SPIDR: variants seen among roughly 807,000 people sequenced by gnomAD.
The protein encoded by SPIDR is DNA repair-scaffolding protein.
A neutral mutation model predicts 104.6 loss-of-function variants in SPIDR; 93 were observed. The ratio of observed to expected loss-of-function variants is 0.89; its 90% CI spans 0.75 to 1.06. The LOEUF is 1.06. Ranked by LOEUF, SPIDR falls within the 50% of genes least tolerant of loss-of-function variation. The pLI is 0.00. For synonymous variants in SPIDR, 431 were observed against 416.9 expected (o/e 1.03, Z -0.41); for missense variants, 1,154 against 1,111.2 (o/e 1.04, Z -0.55).
intron 8 of SPIDR, among the ~76,000 whole-genome samples, chr8:47,507,082 C>T (rs1457398772): frequency 6.6e-6 from 1 of 152,188 alleles, no homozygotes; most frequent in African/African-American, 2.4e-5. Context: ...CTCCAGTAAG[C>T]ATTCAGATGG....
intron 8 of SPIDR, among the ~76,000 whole-genome samples, chr8:47,566,845 T>C (rs2154403823): frequency 1.3e-5 from 2 of 152,302 alleles, no homozygotes; most frequent in South Asian, 2.1e-4. Context: ...TTAAAATCTT[T>C]GGACTTTATT....
intron 10 of SPIDR, among the ~76,000 whole-genome samples, chr8:47,616,232 A>G (rs1026163759): frequency 1.3e-5 from 2 of 152,320 alleles, no homozygotes; most frequent in African/African-American, 4.8e-5. Flanking sequence ...AGCAGGAATC[A>G]TTGTTTTGTT....
At chr8:47,269,024 G>T (rs965320704) in intron 1 of SPIDR, among the ~76,000 whole-genome samples, 79 of 151,978 alleles carry the variant, frequency 5.2e-4, no homozygotes, top group Non-Finnish European at 1.1e-3. Context: ...AAAATTAGCA[G>T]GATGTGGTGG....
intron 10 of SPIDR, among the ~76,000 whole-genome samples, chr8:47,652,460 G>A (rs2071835263): frequency 6.6e-6 from 1 of 152,156 alleles, no homozygotes; most frequent in African/African-American, 2.4e-5. Context: ...CTCCAAGGTG[G>A]GCGGGCTGGA....
intron 3 of SPIDR, among the ~76,000 whole-genome samples, chr8:47,290,727 A>T (rs1239559609): frequency 6.6e-6 from 1 of 152,188 alleles, no homozygotes; most frequent in East Asian, 1.9e-4. Flanking sequence ...AGAAAGTTAT[A>T]CTTTTATAAA....
chr8:47,279,990 A>C lies in SPIDR; in HGVS notation c.162A>C (p.Glu54Asp). Reference protein sequence around the residue: ...SLSEAWLRCGEGFQNTSGNPS... With the variant: ...SLSEAWLRCGDGFQNTSGNPS... ...CTGAAGCATGGCTCAGGTGTGGAGAAGGGTTTCAGAACACTTCTGGGAATC... is the reference window on the plus strand; with the variant it reads ...CTGAAGCATGGCTCAGGTGTGGAGACGGGTTTCAGAACACTTCTGGGAATC... The change falls in exon 2 of 20, where the codon GAA (glutamate) becomes GAC (aspartate). Residue 54 changes from glutamate to aspartate, a missense_variant. By Grantham distance (45) the Glu-to-Asp change is conservative. Transcript: ENST00000297423. The C allele has an allele frequency of 1.2e-6, 2 of 1,614,128 alleles. No individual in the cohort carries two copies. Among genetic ancestry groups the C allele is most frequent in the Non-Finnish European group, 1.7e-6 (2 of 1,180,012 alleles).
In SPIDR at chr8:47,519,620, T is replaced by TA. The variant is rs200888792; in HGVS notation, c.1098-76182dup. The stretch of plus-strand genomic sequence containing the variant: ...CAATATGGCGAGACCCTGTCTGTAG[T>TA]AAAAAAAAATTTAAATTAGCCAGGC... On this transcript the variant is annotated intron_variant, in intron 8 of 19. Coordinates refer to ENST00000297423, the MANE Select transcript of SPIDR (RefSeq NM_001080394.4). 3.9e-4 allele frequency among the ~76,000 whole-genome samples: 59 copies of TA among 151,692 alleles called. No homozygotes were observed. The East Asian group carries it at 6.4e-3, about 16-fold the overall frequency.
intron 5 of SPIDR, among the ~76,000 whole-genome samples, chr8:47,338,213 G>A (rs2050120034): frequency 6.6e-6 from 1 of 152,110 alleles, no homozygotes; most frequent in African/African-American, 2.4e-5. Flanking sequence ...TTACATTCTT[G>A]TAATGATCTA....
At chr8:47,650,638 G>A (rs1266564171) in intron 10 of SPIDR, among the ~76,000 whole-genome samples, 2 of 152,136 alleles carry the variant, frequency 1.3e-5, no homozygotes, top group Non-Finnish European at 2.9e-5. Flanking sequence ...AAAAGAGCCT[G>A]AATAGCCAAA....
chr8:47,650,639 A>T (rs1206533221), intron 10 of SPIDR, among the ~76,000 whole-genome samples: 2 of 152,206 alleles, frequency 1.3e-5, no homozygotes, highest in Admixed American at 6.5e-5. Context: ...AAAGAGCCTG[A>T]ATAGCCAAAG....
chr8:47,323,789 C>T (rs1208128518), intron 5 of SPIDR, among the ~76,000 whole-genome samples: 2 of 152,094 alleles, frequency 1.3e-5, no homozygotes, highest in African/African-American at 4.8e-5. Context: ...TAGAATTAGT[C>T]TTCTACTTCT....
At chr8:47,605,285 G>A (rs1335741940) in intron 10 of SPIDR, among the ~76,000 whole-genome samples, 1 of 152,170 alleles carries the variant, frequency 6.6e-6, no homozygotes, top group Non-Finnish European at 1.5e-5. Flanking sequence ...GTCTAATAAA[G>A]TGAGCACTGA....
intron 5 of SPIDR, among the ~76,000 whole-genome samples, chr8:47,323,251 A>G (rs1434345527): frequency 1.3e-5 from 2 of 152,166 alleles, no homozygotes; most frequent in African/African-American, 2.4e-5. Context: ...CGAAATTTGC[A>G]TAATATTCTG....
chr8:47,539,395 A>G (rs1298182396), intron 8 of SPIDR, among the ~76,000 whole-genome samples: 1 of 152,222 alleles, frequency 6.6e-6, no homozygotes, highest in African/African-American at 2.4e-5. Flanking sequence ...TCCCTTAGCC[A>G]GACAAGGACC....
chr8:47,292,870 T>A (rs1459656668), intron 4 of SPIDR, among the ~76,000 whole-genome samples: 1 of 152,012 alleles, frequency 6.6e-6, no homozygotes, highest in Non-Finnish European at 1.5e-5. Flanking sequence ...GGCATTTGCT[T>A]TGTCTAATGA....
At chr8:47,717,055 C>T (rs1397055431) in intron 16 of SPIDR, among the ~76,000 whole-genome samples, 1 of 152,164 alleles carries the variant, frequency 6.6e-6, no homozygotes, top group Non-Finnish European at 1.5e-5. Flanking sequence ...TGGAGCTGCT[C>T]TTTGGTGTAC....
chr8:47,533,675 A>C (rs2154385413), intron 8 of SPIDR, among the ~76,000 whole-genome samples: 1 of 152,348 alleles, frequency 6.6e-6, no homozygotes, highest in Non-Finnish European at 1.5e-5. Flanking sequence ...AAACCTCAAC[A>C]TCACTGATCA....
chr8:47,492,045 A>G (rs980143631), intron 8 of SPIDR, among the ~76,000 whole-genome samples: 1 of 152,148 alleles, frequency 6.6e-6, no homozygotes, highest in African/African-American at 2.4e-5. Flanking sequence ...GATAGTGCCC[A>G]GGTCTCTCAC....
chr8:47,319,043 G>C (rs1456518741), intron 5 of SPIDR, among the ~76,000 whole-genome samples: 1 of 151,554 alleles, frequency 6.6e-6, no homozygotes, highest in African/African-American at 2.4e-5. Flanking sequence ...CAACTAATGA[G>C]CAAAATAACC....
Sources: gnomAD v4.1 joint callset for allele counts (sites outside exome capture counted in the v4.1 genomes callset) on GRCh38, gnomAD v4.1.1 for gene constraint, MANE v1.5 for transcripts, NCBI Gene and HGNC (gene_info 2026-07-23, HGNC 2026-07-21) for gene names.